SBF2: variants seen among roughly 807,000 people sequenced by gnomAD.
The protein encoded by SBF2 is SET binding factor 2.
A neutral mutation model predicts 225.2 loss-of-function variants in SBF2; 112 were observed. The ratio of observed to expected loss-of-function variants is 0.50; its 90% CI spans 0.43 to 0.58. The LOEUF is 0.58. SBF2 is among the 20% of genes least tolerant of loss of function. The probability of loss-of-function intolerance (pLI) is 0.00; values close to 1 mark genes in which losing one functional copy is unlikely to be tolerated. For synonymous variants in SBF2, 763 were observed against 773.3 expected (o/e 0.99, Z 0.22); for missense variants, 1,996 against 2,206.2 (o/e 0.90, Z 1.91).
At chr11:10,177,189 T>C (rs1226405185) in intron 2 of SBF2, among the ~76,000 whole-genome samples, 1 of 151,880 alleles carries the variant, frequency 6.6e-6, no homozygotes, top group Non-Finnish European at 1.5e-5. Flanking sequence ...ATGGGACGTA[T>C]CTCAAAATAA....
intron 2 of SBF2, among the ~76,000 whole-genome samples, chr11:10,189,967 C>T (rs1957098627): frequency 6.6e-6 from 1 of 152,142 alleles, no homozygotes. Flanking sequence ...GCCTGACCAA[C>T]ATGGTGAAAC....
At chr11:10,039,135 T>C (rs961008637) in intron 3 of SBF2, among the ~76,000 whole-genome samples, 5 of 152,026 alleles carry the variant, frequency 3.3e-5, no homozygotes, top group South Asian at 2.1e-4. Flanking sequence ...GGATGGTGTA[T>C]GTCCCTAAGT....
At chr11:10,137,274 A>T (rs1408324280) in intron 2 of SBF2, among the ~76,000 whole-genome samples, 4 of 152,202 alleles carry the variant, frequency 2.6e-5, no homozygotes, top group African/African-American at 9.6e-5. Context: ...TAACTCACTT[A>T]TTAGTTCTAG....
rs538520989 is a variant in SBF2, at chr11:9,849,082, A to G, written c.2806+941T>C. Among the ~76,000 whole-genome samples the G allele has an allele frequency of 2.0e-5, 3 of 152,262 alleles. No individual in the cohort carries two copies. The South Asian group carries it at 6.2e-4, about 32-fold the overall frequency. ...AGCCCAGTGGTTCTCAATCACAATC[A>G]CTTGTGGGGCTAAAGAAATACACAG... On this transcript the variant is annotated intron_variant, in intron 22 of 39. Coordinates refer to ENST00000256190, the MANE Select transcript of SBF2 (RefSeq NM_030962.4).
intron 13 of SBF2, among the ~76,000 whole-genome samples, chr11:9,971,939 G>C (rs1184136199): frequency 6.6e-6 from 1 of 152,184 alleles, no homozygotes; most frequent in Non-Finnish European, 1.5e-5. Context: ...GAATGGAATA[G>C]AATAGAGAGC....
intron 17 of SBF2, among the ~76,000 whole-genome samples, chr11:9,882,582 GC>G (rs959841374): frequency 6.8e-4 from 103 of 152,140 alleles, no homozygotes; most frequent in African/African-American, 2.4e-3. Context: ...GCCAAGGCGG[GC>G]GGATCACAAA....
At chr11:9,966,965 A>G (rs1416025629) in intron 14 of SBF2, among the ~76,000 whole-genome samples, 1 of 152,252 alleles carries the variant, frequency 6.6e-6, no homozygotes, top group Non-Finnish European at 1.5e-5. Flanking sequence ...AAATGTTCAC[A>G]GCAGCATTAT....
At position 9,780,321 on chromosome 11, in the gene SBF2, T is replaced by A. The variant is rs1851925189; in HGVS notation, c.*97A>T. On this transcript the variant is annotated 3_prime_UTR_variant, in exon 40 of 40. Transcript: ENST00000256190. ...GGCAGGAGAACCTCAGGCCCTGGGA[T>A]AACTTGTTGTCAGCTCCTCAAGGAT... The A allele has an allele frequency of 1.9e-6, 2 of 1,058,324 alleles. No homozygotes were observed. The highest frequency in any genetic ancestry group is 4.9e-5 in the East Asian group (2 of 40,524). 65.6% of individuals were successfully genotyped at this position (1,058,324 alleles called of 1,614,324 possible).
intron 2 of SBF2, among the ~76,000 whole-genome samples, chr11:10,089,774 G>A (rs1199495615): frequency 1.3e-5 from 2 of 151,992 alleles, no homozygotes; most frequent in Non-Finnish European, 2.9e-5. Context: ...CAAAACTAAC[G>A]GCATTTACTT....
chr11:10,196,847 TA>T (rs1337082670), intron 1 of SBF2, among the ~76,000 whole-genome samples: 1 of 19,746 alleles, frequency 5.1e-5, no homozygotes, highest in African/African-American at 1.0e-4. Context: ...AATATATATA[TA>T]TATATATATA....
At chr11:9,827,842 G>C (rs1855159638) in intron 28 of SBF2, among the ~76,000 whole-genome samples, 5 of 152,246 alleles carry the variant, frequency 3.3e-5, no homozygotes, top group Non-Finnish European at 7.4e-5. Flanking sequence ...GAGTATCAGG[G>C]AGTACTCCCA....
chr11:9,927,020 GGA>G (rs1466797636), intron 16 of SBF2, among the ~76,000 whole-genome samples: 2 of 151,898 alleles, frequency 1.3e-5, no homozygotes, highest in Non-Finnish European at 2.9e-5. Context: ...GATAAAAAGG[GGA>G]GACAACACAT....
At chr11:9,940,327 C>A (rs1223320608) in intron 16 of SBF2, among the ~76,000 whole-genome samples, 2 of 152,102 alleles carry the variant, frequency 1.3e-5, no homozygotes, top group Non-Finnish European at 2.9e-5. Flanking sequence ...ATGGTGTGAA[C>A]CTGGGAGGCG....
At chr11:10,090,443 A>G (rs1951732257) in intron 2 of SBF2, among the ~76,000 whole-genome samples, 1 of 152,224 alleles carries the variant, frequency 6.6e-6, no homozygotes, top group Non-Finnish European at 1.5e-5. Flanking sequence ...TCTTATAGAT[A>G]TAACTTTACC....
At chr11:9,840,971 A>T (rs1856093748) in intron 25 of SBF2, among the ~76,000 whole-genome samples, 1 of 152,016 alleles carries the variant, frequency 6.6e-6, no homozygotes, top group African/African-American at 2.4e-5. Context: ...GGGGAAAAAA[A>T]AAATCCATGT....
chr11:10,168,230 T>C lies in SBF2; in HGVS notation c.141+25672A>G, dbSNP rs149638349. Among the ~76,000 whole-genome samples the C allele has an allele frequency of 9.8e-5, 15 of 152,326 alleles. No homozygotes were observed. In the East Asian group the frequency reaches 2.9e-3, roughly 29 times the overall value. ...AACCCTGATCTCAGTTCCTGGCACA[T>C]AATAAGTACCAAATAGATATCTGTT... On this transcript the variant is annotated intron_variant, in intron 2 of 39. Transcript: ENST00000256190.
chr11:9,917,650 A>G (rs952831904), intron 16 of SBF2, among the ~76,000 whole-genome samples: 1 of 150,398 alleles, frequency 6.6e-6, no homozygotes, highest in Admixed American at 6.6e-5. Flanking sequence ...TTATTATTCT[A>G]TCTTCCCTTC....
chr11:10,063,058 G>C (rs1950504358), intron 2 of SBF2, among the ~76,000 whole-genome samples: 2 of 152,070 alleles, frequency 1.3e-5, no homozygotes, highest in African/African-American at 4.8e-5. Context: ...GGAGCTACAG[G>C]CTATCATCCT....
intron 6 of SBF2, among the ~76,000 whole-genome samples, chr11:10,009,492 G>A (rs956596240): frequency 3.8e-4 from 58 of 151,810 alleles, no homozygotes; most frequent in African/African-American, 1.4e-3. Flanking sequence ...TCCCACTTAT[G>A]AGTGAGAACA....
Sources: gnomAD v4.1 joint callset for allele counts (sites outside exome capture counted in the v4.1 genomes callset) on GRCh38, gnomAD v4.1.1 for gene constraint, MANE v1.5 for transcripts, NCBI Gene and HGNC (gene_info 2026-07-23, HGNC 2026-07-21) for gene names.